MARCHF1: variants seen among roughly 807,000 people sequenced by gnomAD.
MARCHF1 encodes membrane associated ring-CH-type finger 1.
MARCHF1 carries 40 observed loss-of-function variants against 54.2 expected under a neutral mutation model. That is an observed-to-expected ratio of 0.74 (90% CI 0.57 to 0.96). The LOEUF (loss-of-function observed/expected upper bound fraction) is 0.96, where lower values mean the gene tolerates loss of function less well. Ranked by LOEUF, MARCHF1 falls within the 40% of genes least tolerant of loss-of-function variation. MARCHF1 has a pLI of 0.00. For missense variants in MARCHF1, 586 were observed against 656.5 expected (o/e 0.89, Z 1.17); for synonymous variants, 236 against 236.3 (o/e 1.00, Z 0.01).
chr4:163,927,901 T>C (rs76802842), intron 3 of MARCHF1, among the ~76,000 whole-genome samples: 1 of 151,868 alleles, frequency 6.6e-6, no homozygotes, highest in African/African-American at 2.4e-5. Flanking sequence ...GTATAAAGAT[T>C]TAAAATTTTT....
At position 163,528,517 on chromosome 4, in the gene MARCHF1, C is replaced by G. The variant is rs1738220209; in HGVS notation, c.*231G>C. The G allele has an allele frequency of 4.2e-6, 2 of 473,392 alleles. No homozygotes were observed. The highest frequency in any genetic ancestry group is 7.5e-6 in the Non-Finnish European group (2 of 267,276). The allele number at this position is 473,392 out of a possible 1,614,324, so 29.3% of individuals were successfully genotyped here. On this transcript the variant is annotated 3_prime_UTR_variant, in exon 10 of 10. Coordinates refer to ENST00000514618, the MANE Select transcript of MARCHF1 (RefSeq NM_001394959.1). ...AATTGTCTTGGAAATCATTCTCTTG[C>G]AAACTTCACATTTCCATATCATACT...
At chr4:163,584,452 G>C (rs1178922012) in intron 8 of MARCHF1, 2 of 152,142 alleles carry the variant, frequency 1.3e-5, no homozygotes, top group African/African-American at 4.8e-5. Flanking sequence ...CTCAGCATCT[G>C]TCCAGCGGAT....
intron 1 of MARCHF1, among the ~76,000 whole-genome samples, chr4:164,357,072 A>T (rs868381651): frequency 6.6e-6 from 1 of 151,904 alleles, no homozygotes; most frequent in Non-Finnish European, 1.5e-5. Context: ...AAGTTTACCT[A>T]TATAACAAAT....
At chr4:163,791,922 T>C (rs1747783803) in intron 4 of MARCHF1, among the ~76,000 whole-genome samples, 1 of 152,128 alleles carries the variant, frequency 6.6e-6, no homozygotes, top group East Asian at 1.9e-4. Context: ...CATAGAATTG[T>C]CTTTCCTTCA....
At chr4:163,702,244 A>T (rs1432462637) in intron 4 of MARCHF1, among the ~76,000 whole-genome samples, 1 of 152,180 alleles carries the variant, frequency 6.6e-6, no homozygotes, top group Non-Finnish European at 1.5e-5. Flanking sequence ...AGATTAATGT[A>T]TATGCTACCA....
intron 1 of MARCHF1, among the ~76,000 whole-genome samples, chr4:164,345,234 C>A (rs1457018709): frequency 2.0e-5 from 3 of 152,082 alleles, no homozygotes; most frequent in African/African-American, 7.2e-5. Context: ...TTACGATGTA[C>A]TCCATGAATA....
At chr4:164,196,914 G>C in intron 1 of MARCHF1, 1 of 1,478,950 alleles carries the variant, frequency 6.8e-7, no homozygotes, top group Non-Finnish European at 9.4e-7. Flanking sequence ...GGAGGGGGGA[G>C]GGGATATGGG....
chr4:163,576,891 G>C (rs1014033344), intron 8 of MARCHF1, among the ~76,000 whole-genome samples: 3 of 151,256 alleles, frequency 2.0e-5, no homozygotes, highest in African/African-American at 7.3e-5. Context: ...CATCTTTTCT[G>C]TTTTCCATTT....
At chr4:164,011,267 T>C (rs116681177) in intron 2 of MARCHF1, among the ~76,000 whole-genome samples, 299 of 152,208 alleles carry the variant, frequency 2.0e-3, no homozygotes, top group African/African-American at 6.8e-3. Context: ...AATTGACAAA[T>C]GAGATCATAT....
chr4:164,170,590 C>T (rs1315827113), intron 1 of MARCHF1, among the ~76,000 whole-genome samples: 2 of 151,932 alleles, frequency 1.3e-5, no homozygotes, highest in African/African-American at 4.8e-5. Context: ...TGGTTCCTTC[C>T]CTCAAAAAGC....
chr4:163,864,121 C>A (rs981388497), intron 3 of MARCHF1, among the ~76,000 whole-genome samples: 2 of 151,992 alleles, frequency 1.3e-5, no homozygotes, highest in African/African-American at 4.8e-5. Flanking sequence ...TAACCTCCCA[C>A]ACCATTGTGA....
At chr4:164,115,038 T>C (rs1307471850) in intron 1 of MARCHF1, among the ~76,000 whole-genome samples, 2 of 152,036 alleles carry the variant, frequency 1.3e-5, no homozygotes, top group African/African-American at 4.8e-5. Context: ...TGAGCCACTC[T>C]GCTGAAAATT....
chr4:163,779,769 G>A (rs746328172), intron 4 of MARCHF1, among the ~76,000 whole-genome samples: 16 of 151,648 alleles, frequency 1.1e-4, no homozygotes, highest in East Asian at 3.9e-4. Context: ...GGAGAGATTC[G>A]TTTTCTAAAA....
At chr4:164,201,670 G>T (rs1731458193) in intron 1 of MARCHF1, among the ~76,000 whole-genome samples, 1 of 152,272 alleles carries the variant, frequency 6.6e-6, no homozygotes, top group African/African-American at 2.4e-5. Context: ...GAGAAGCAAG[G>T]TAAAGAGATA....
rs1579574924 is a variant in MARCHF1 at position 164,148,618 on chromosome 4, A to T, written c.-322-36956T>A. ...AGCTGAAGTTCCTATAGCAATGAAG[A>T]TCCTCAAATAAAAATAAAATTTATT... On this transcript the variant is annotated intron_variant, in intron 1 of 9. Coordinates refer to ENST00000514618, the MANE Select transcript of MARCHF1 (RefSeq NM_001394959.1). Among the ~76,000 whole-genome samples the T allele has an allele frequency of 2.6e-5, 4 of 152,114 alleles. No homozygotes were observed. The South Asian group carries it at 8.3e-4, about 32-fold the overall frequency.
intron 1 of MARCHF1, among the ~76,000 whole-genome samples, chr4:164,379,977 T>TG (rs1303938594): frequency 6.9e-6 from 1 of 145,156 alleles, no homozygotes; most frequent in East Asian, 2.5e-4. Flanking sequence ...AACAACATGT[T>TG]GAAAAAAAAA....
intron 1 of MARCHF1, chr4:164,197,101 T>C (rs2288676): frequency 0.081 from 130,681 of 1,606,038 alleles, 7,351 homozygotes; most frequent in Admixed American, 0.24. Flanking sequence ...TTCATCCTCC[T>C]CGTCCCCTCC....
At chr4:163,546,226 C>T (rs184866860) in intron 8 of MARCHF1, among the ~76,000 whole-genome samples, 1 of 152,156 alleles carries the variant, frequency 6.6e-6, no homozygotes, top group Non-Finnish European at 1.5e-5. Flanking sequence ...TCCACCCCCA[C>T]CTTGTCCTCC....
At chr4:164,045,480 C>T (rs1754222602) in intron 2 of MARCHF1, among the ~76,000 whole-genome samples, 2 of 151,004 alleles carry the variant, frequency 1.3e-5, no homozygotes, top group Admixed American at 6.6e-5. Flanking sequence ...ACACTGCACT[C>T]CAGCCTGGGT....
Sources: allele counts gnomAD v4.1 joint callset (sites outside exome capture counted in the v4.1 genomes callset), GRCh38; gene constraint gnomAD v4.1.1; transcripts MANE v1.5; gene names NCBI Gene and HGNC (gene_info 2026-07-23, HGNC 2026-07-21).